GRID2: variants seen among roughly 807,000 people sequenced by gnomAD.
GRID2 encodes the protein glutamate receptor ionotropic, delta-2.
In GRID2, 33 loss-of-function variants were observed where a neutral mutation model predicts 114.8. The observed-to-expected ratio is 0.29, with a 90% CI of 0.22 to 0.38. GRID2 has a LOEUF of 0.38. GRID2 is among the 10% of genes least tolerant of loss of function. The probability of loss-of-function intolerance (pLI) is 1.00; values close to 1 mark genes in which losing one functional copy is unlikely to be tolerated. For synonymous variants in GRID2, 505 were observed against 449.9 expected (o/e 1.12, Z -1.55); for missense variants, 1,184 against 1,257.7 (o/e 0.94, Z 0.89).
At chr4:93,040,367 A>C (rs1725394280) in intron 2 of GRID2, among the ~76,000 whole-genome samples, 1 of 152,080 alleles carries the variant, frequency 6.6e-6, no homozygotes, top group Non-Finnish European at 1.5e-5. Context: ...TGTGCAAACA[A>C]TTTGAGATTT....
intron 4 of GRID2, among the ~76,000 whole-genome samples, chr4:93,194,835 A>G (rs1373715186): frequency 6.6e-6 from 1 of 152,200 alleles, no homozygotes; most frequent in Non-Finnish European, 1.5e-5. Context: ...ACCCCATGCC[A>G]GACCTTCTAA....
chr4:93,742,836 A>G (rs1322738206), intron 14 of GRID2, among the ~76,000 whole-genome samples: 4 of 152,214 alleles, frequency 2.6e-5, no homozygotes, highest in Non-Finnish European at 4.4e-5. Context: ...TTGGCTAAAT[A>G]ATAACCCTAC....
intron 4 of GRID2, among the ~76,000 whole-genome samples, chr4:93,161,832 G>C (rs1461758248): frequency 1.3e-5 from 2 of 151,434 alleles, no homozygotes; most frequent in Non-Finnish European, 3.0e-5. Flanking sequence ...AATATTTTAA[G>C]TTTTTACCAA....
At chr4:93,014,036 C>G (rs1473962497) in intron 2 of GRID2, among the ~76,000 whole-genome samples, 2 of 151,756 alleles carry the variant, frequency 1.3e-5, no homozygotes, top group Non-Finnish European at 2.9e-5. Flanking sequence ...ATTGAACAAG[C>G]ATAAAGTAAG....
chr4:92,944,912 G>T (rs1391375252), intron 2 of GRID2, among the ~76,000 whole-genome samples: 2 of 152,108 alleles, frequency 1.3e-5, no homozygotes, highest in African/African-American at 2.4e-5. Flanking sequence ...TTATAGAACA[G>T]TTATGCATGG....
intron 2 of GRID2, among the ~76,000 whole-genome samples, chr4:92,733,225 T>A (rs2149325880): frequency 6.6e-6 from 1 of 152,260 alleles, no homozygotes; most frequent in South Asian, 2.1e-4. Flanking sequence ...CTGATTTCTA[T>A]CCAAATGGAA....
intron 10 of GRID2, among the ~76,000 whole-genome samples, chr4:93,453,422 A>C (rs989882074): frequency 1.3e-5 from 2 of 151,776 alleles, no homozygotes; most frequent in African/African-American, 4.8e-5. Flanking sequence ...CAGGGAGGCT[A>C]GAAATTTCTC....
intron 1 of GRID2, among the ~76,000 whole-genome samples, chr4:92,574,841 A>G (rs1352529401): frequency 6.6e-6 from 1 of 152,072 alleles, no homozygotes; most frequent in East Asian, 1.9e-4. Context: ...GGGGTTTTCT[A>G]CATTTCCTGA....
chr4:92,357,088 C>A (rs140804148), intron 1 of GRID2, among the ~76,000 whole-genome samples: 85 of 151,744 alleles, frequency 5.6e-4, no homozygotes, highest in African/African-American at 1.9e-3. Flanking sequence ...TGGTGCCAGG[C>A]TGAGACACTA....
intron 9 of GRID2, among the ~76,000 whole-genome samples, chr4:93,400,887 A>T (rs954550390): frequency 1.3e-5 from 2 of 152,052 alleles, no homozygotes; most frequent in Non-Finnish European, 2.9e-5. Context: ...CCCAGGCTGG[A>T]GTACAGTGGC....
At chr4:92,781,247 A>T (rs957023200) in intron 2 of GRID2, among the ~76,000 whole-genome samples, 8 of 152,242 alleles carry the variant, frequency 5.3e-5, no homozygotes, top group Middle Eastern at 3.4e-3. Flanking sequence ...CTCCCTCTCA[A>T]AAAAACAAAA....
At chr4:93,209,216 A>T (rs1743166698) in intron 5 of GRID2, among the ~76,000 whole-genome samples, 1 of 151,924 alleles carries the variant, frequency 6.6e-6, no homozygotes, top group African/African-American at 2.4e-5. Flanking sequence ...CCTAGTGCTC[A>T]TTAGTTATTT....
chr4:93,354,200 C>T (rs1252887476), intron 8 of GRID2, among the ~76,000 whole-genome samples: 1 of 152,002 alleles, frequency 6.6e-6, no homozygotes, highest in Non-Finnish European at 1.5e-5. Context: ...TGTCCAGTAA[C>T]ACTAAGCCTT....
intron 9 of GRID2, among the ~76,000 whole-genome samples, chr4:93,414,685 T>TATATATATATATA (rs1553925780): frequency 7.1e-6 from 1 of 140,518 alleles, no homozygotes; most frequent in Non-Finnish European, 1.5e-5. Context: ...ATCTGACATT[T>TATATATATATATA]TATATATATA....
chr4:93,727,963 G>A (rs926545989), intron 14 of GRID2, among the ~76,000 whole-genome samples: 4 of 152,054 alleles, frequency 2.6e-5, no homozygotes, highest in Non-Finnish European at 4.4e-5. Flanking sequence ...TTTTTTGAAG[G>A]GTTTTTTGTG....
At chr4:93,073,089 A>G in intron 2 of GRID2, among the ~76,000 whole-genome samples, 1 of 152,196 alleles carries the variant, frequency 6.6e-6, no homozygotes, top group East Asian at 1.9e-4. Context: ...AACCTCTCAC[A>G]GTTCTTGCAT....
chr4:92,748,150 T>C (rs1267346877), intron 2 of GRID2, among the ~76,000 whole-genome samples: 1 of 152,216 alleles, frequency 6.6e-6, no homozygotes, highest in Non-Finnish European at 1.5e-5. Context: ...ACTACTAGCC[T>C]GCTTAGATTT....
At chr4:92,947,003 A>G (rs1316401142) in intron 2 of GRID2, among the ~76,000 whole-genome samples, 1 of 152,090 alleles carries the variant, frequency 6.6e-6, no homozygotes, top group Non-Finnish European at 1.5e-5. Flanking sequence ...TAGAAAGTCC[A>G]AACAAGTCAA....
At chr4:92,831,120 T>G (rs895986788) in intron 2 of GRID2, among the ~76,000 whole-genome samples, 1 of 152,124 alleles carries the variant, frequency 6.6e-6, no homozygotes, top group Non-Finnish European at 1.5e-5. Flanking sequence ...ATAAGAAGAT[T>G]CTAGGATTTT....
Sources: gnomAD v4.1 joint callset for allele counts (sites outside exome capture counted in the v4.1 genomes callset) on GRCh38, gnomAD v4.1.1 for gene constraint, MANE v1.5 for transcripts, NCBI Gene and HGNC (gene_info 2026-07-23, HGNC 2026-07-21) for gene names.